The following CTNND2 variants were observed in gnomAD, a reference collection of about 807,000 sequenced individuals.
The protein encoded by CTNND2 is catenin delta 2.
CTNND2 carries 22 observed loss-of-function variants against 144.4 expected under a neutral mutation model. The observed-to-expected ratio is 0.15, with a 90% CI of 0.11 to 0.22. The LOEUF is 0.22. CTNND2 is among the 10% of genes least tolerant of loss of function. The pLI, the probability that CTNND2 is intolerant of heterozygous loss-of-function variation, is 1.00. For missense variants in CTNND2, 1,353 were observed against 1,618.8 expected (o/e 0.84, Z 2.82); for synonymous variants, 751 against 695.6 (o/e 1.08, Z -1.25).
intron 16 of CTNND2, among the ~76,000 whole-genome samples, chr5:11,078,846 G>A (rs2973519): frequency 0.76 from 116,267 of 152,018 alleles, 45,497 homozygotes; most frequent in African/African-American, 0.93. Context: ...AGATATACCA[G>A]ATCTACACAA....
chr5:11,033,428 C>T (rs1743702708), intron 16 of CTNND2, among the ~76,000 whole-genome samples: 1 of 152,176 alleles, frequency 6.6e-6, no homozygotes, highest in Non-Finnish European at 1.5e-5. Flanking sequence ...ATTTGATTGG[C>T]TTATGTAAAC....
chr5:11,802,967 G>A (rs1791776892), intron 1 of CTNND2, among the ~76,000 whole-genome samples: 1 of 152,094 alleles, frequency 6.6e-6, no homozygotes, highest in Non-Finnish European at 1.5e-5. Flanking sequence ...AAGAAGAGAG[G>A]GGAATATTCT....
At chr5:11,657,676 C>A (rs1260679675) in intron 2 of CTNND2, among the ~76,000 whole-genome samples, 1 of 152,046 alleles carries the variant, frequency 6.6e-6, no homozygotes, top group Non-Finnish European at 1.5e-5. Flanking sequence ...GATTAGTATG[C>A]TATTTAAGAA....
At chr5:11,064,117 A>C (rs1199110801) in intron 16 of CTNND2, among the ~76,000 whole-genome samples, 1 of 152,142 alleles carries the variant, frequency 6.6e-6, no homozygotes, top group Non-Finnish European at 1.5e-5. Flanking sequence ...GGGCTGGAAG[A>C]AATGGAGTCC....
chr5:11,169,027 G>T (rs958700629), intron 11 of CTNND2, among the ~76,000 whole-genome samples: 1 of 152,054 alleles, frequency 6.6e-6, no homozygotes, highest in African/African-American at 2.4e-5. Flanking sequence ...GGAAACACTC[G>T]CCTGTGAATG....
At chr5:11,600,616 G>T (rs952498003) in intron 2 of CTNND2, among the ~76,000 whole-genome samples, 3 of 144,128 alleles carry the variant, frequency 2.1e-5, no homozygotes, top group Non-Finnish European at 3.0e-5. Context: ...TGAGACAAGA[G>T]AATTGCTTGA....
intron 9 of CTNND2, among the ~76,000 whole-genome samples, chr5:11,305,312 A>C (rs961598547): frequency 6.6e-6 from 1 of 152,168 alleles, no homozygotes; most frequent in Non-Finnish European, 1.5e-5. Context: ...GGGCCTCAGC[A>C]TCAGGCTCCC....
chr5:11,417,048 G>A (rs1369937449), intron 3 of CTNND2, among the ~76,000 whole-genome samples: 1 of 152,046 alleles, frequency 6.6e-6, no homozygotes, highest in African/African-American at 2.4e-5. Flanking sequence ...TATATTGAAA[G>A]CAAAAATCCT....
intron 3 of CTNND2, among the ~76,000 whole-genome samples, chr5:11,484,595 C>A (rs1021512382): frequency 6.6e-6 from 1 of 152,104 alleles, no homozygotes. Flanking sequence ...CCCAAATATG[C>A]CCCCCATATA....
chr5:11,585,197 G>A (rs1052626500), intron 2 of CTNND2, among the ~76,000 whole-genome samples: 1 of 152,126 alleles, frequency 6.6e-6, no homozygotes, highest in East Asian at 1.9e-4. Flanking sequence ...CCATGCCATA[G>A]AAGGGAAATA....
chr5:11,789,780 T>C (rs1033567109), intron 1 of CTNND2, among the ~76,000 whole-genome samples: 1 of 152,230 alleles, frequency 6.6e-6, no homozygotes, highest in Non-Finnish European at 1.5e-5. Context: ...ATACAAAGCA[T>C]AACATTCCAG....
intron 12 of CTNND2, among the ~76,000 whole-genome samples, chr5:11,142,675 G>A (rs977446740): frequency 6.0e-5 from 9 of 149,032 alleles, no homozygotes; most frequent in South Asian, 4.3e-4. Flanking sequence ...GTGCAGTGGC[G>A]CGATCTCGAC....
At chr5:10,975,445 C>T (rs746856803) in intron 21 of CTNND2, among the ~76,000 whole-genome samples, 15 of 152,196 alleles carry the variant, frequency 9.9e-5, no homozygotes, top group Middle Eastern at 3.2e-3. Context: ...TGTCTGTCTT[C>T]CTATCCACCC....
chr5:11,417,513 T>G (rs565074039), intron 3 of CTNND2, among the ~76,000 whole-genome samples: 1 of 152,096 alleles, frequency 6.6e-6, no homozygotes, highest in Admixed American at 6.6e-5. Flanking sequence ...CAGACATGCA[T>G]AGCTGGTGCA....
intron 1 of CTNND2, among the ~76,000 whole-genome samples, chr5:11,793,656 C>G (rs1490717204): frequency 6.6e-6 from 1 of 152,152 alleles, no homozygotes; most frequent in African/African-American, 2.4e-5. Context: ...AGACCCTTCC[C>G]TAGCACCTGC....
chr5:11,875,378 T>C (rs996848789), intron 1 of CTNND2, among the ~76,000 whole-genome samples: 8 of 152,186 alleles, frequency 5.3e-5, no homozygotes, highest in Admixed American at 2.6e-4. Context: ...ATTTGAAATA[T>C]TCATACCCTG....
intron 16 of CTNND2, among the ~76,000 whole-genome samples, chr5:11,033,977 G>A (rs1743782975): frequency 6.6e-6 from 1 of 152,178 alleles, no homozygotes; most frequent in Admixed American, 6.5e-5. Context: ...TACCAGGTTA[G>A]CAAAGACAAG....
rs535030100 is a variant in CTNND2 at position 11,191,574 on chromosome 5, G to A, written c.1975+7874C>T. ...TGAGACTGTCCATGGAGACATCTGC[G>A]GGATGCCTGGCAGGTCCAAGTGAAG... On this transcript the variant is annotated intron_variant, in intron 11 of 21. Transcript: ENST00000304623. Among the ~76,000 whole-genome samples, 19 of 152,258 alleles carry A rather than the reference G, an allele frequency of 1.2e-4. 1 individual carries two copies. The highest frequency in any genetic ancestry group is 5.9e-4 in the Admixed American group (9 of 15,296).
At chr5:11,358,318 C>G (rs1756106973) in intron 8 of CTNND2, among the ~76,000 whole-genome samples, 1 of 152,150 alleles carries the variant, frequency 6.6e-6, no homozygotes, top group Non-Finnish European at 1.5e-5. Flanking sequence ...AACAATTAGA[C>G]TTCTTATTTA....
Sources: gnomAD v4.1 joint callset for allele counts (sites outside exome capture counted in the v4.1 genomes callset) on GRCh38, gnomAD v4.1.1 for gene constraint, MANE v1.5 for transcripts, NCBI Gene and HGNC (gene_info 2026-07-23, HGNC 2026-07-21) for gene names.